Variants in GRM1 observed in about 807,000 individuals in gnomAD.
GRM1 encodes metabotropic glutamate receptor 1.
GRM1 carries 33 observed loss-of-function variants against 90.9 expected under a neutral mutation model. That is an observed-to-expected ratio of 0.36 (90% CI 0.28 to 0.49). GRM1 has a LOEUF of 0.49. GRM1 is among the 20% of genes least tolerant of loss of function. The pLI is 0.99. For synonymous variants in GRM1, 700 were observed against 613.2 expected, an observed-to-expected ratio of 1.14 and a Z score of -2.09; for missense variants, 1,190 against 1,534.3, an observed-to-expected ratio of 0.78 and a Z score of 3.75.
At chr6:146,094,677 A>G (rs529812028) in intron 1 of GRM1, among the ~76,000 whole-genome samples, 20 of 152,242 alleles carry the variant, frequency 1.3e-4, no homozygotes, top group African/African-American at 4.6e-4. Context: ...TCTAAATGGC[A>G]AAGACTCAGA....
chr6:146,403,630 T>G (rs1047252621), intron 7 of GRM1, among the ~76,000 whole-genome samples: 3 of 152,204 alleles, frequency 2.0e-5, no homozygotes, highest in Admixed American at 2.0e-4. Flanking sequence ...TGTCCACCAG[T>G]AGAAGCAAAT....
At chr6:146,390,126 A>T (rs146463559) in intron 6 of GRM1, among the ~76,000 whole-genome samples, 15 of 152,096 alleles carry the variant, frequency 9.9e-5, no homozygotes, top group African/African-American at 3.6e-4. Flanking sequence ...TCTTTGAAAA[A>T]TAGTGTATTC....
rs115614906 is a variant in GRM1 at position 146,290,283 on chromosome 6, G to A, written c.951-14328G>A. 3.9e-3 allele frequency among the ~76,000 whole-genome samples: 587 copies of A among 152,214 alleles called. 5 individuals are homozygous for A. The highest frequency in any genetic ancestry group is 0.013 in the African/African-American group (557 of 41,546). On this transcript the variant is annotated intron_variant, in intron 2 of 7. Coordinates refer to ENST00000282753, the MANE Select transcript of GRM1 (RefSeq NM_001278064.2). ...GATTATCTAGGAAAGATCCATGGAC[G>A]CAACTCTTGTTTAATGGGAAACATT...
chr6:146,359,510 T>C (rs943135503), intron 5 of GRM1, among the ~76,000 whole-genome samples: 2 of 152,198 alleles, frequency 1.3e-5, no homozygotes, highest in African/African-American at 2.4e-5. Context: ...AAAGTTCAGT[T>C]TTGCAGGTTA....
At chr6:146,323,144 G>A (rs544526105) in intron 3 of GRM1, among the ~76,000 whole-genome samples, 20 of 152,184 alleles carry the variant, frequency 1.3e-4, no homozygotes, top group East Asian at 3.9e-4. Flanking sequence ...GTCAAATGGC[G>A]TTTCCAGTTC....
chr6:146,048,310 A>G (rs914248380), intron 1 of GRM1, among the ~76,000 whole-genome samples: 7 of 151,988 alleles, frequency 4.6e-5, no homozygotes, highest in Admixed American at 4.6e-4. Context: ...GACCTATGTA[A>G]AACCTCACTG....
intron 1 of GRM1, among the ~76,000 whole-genome samples, chr6:146,155,708 C>T (rs1476644604): frequency 6.6e-6 from 1 of 152,078 alleles, no homozygotes; most frequent in Non-Finnish European, 1.5e-5. Flanking sequence ...GGTATTCCCC[C>T]AACAGAAAAA....
intron 3 of GRM1, among the ~76,000 whole-genome samples, chr6:146,315,250 A>G (rs1783926837): frequency 6.6e-6 from 1 of 152,080 alleles, no homozygotes; most frequent in Non-Finnish European, 1.5e-5. Context: ...CTAAATAGAT[A>G]CTAACATGCA....
chr6:146,255,422 TC>T (rs1339136530), intron 2 of GRM1, among the ~76,000 whole-genome samples: 1 of 152,144 alleles, frequency 6.6e-6, no homozygotes, highest in African/African-American at 2.4e-5. Context: ...TGATCCCCTA[TC>T]CCATTTCCTA....
At chr6:146,054,437 G>A (rs1287406657) in intron 1 of GRM1, among the ~76,000 whole-genome samples, 1 of 151,982 alleles carries the variant, frequency 6.6e-6, no homozygotes, top group Non-Finnish European at 1.5e-5. Flanking sequence ...TTCTATGGAG[G>A]TAGCAAGCTG....
intron 2 of GRM1, among the ~76,000 whole-genome samples, chr6:146,161,025 G>A (rs1234230377): frequency 6.6e-6 from 1 of 152,150 alleles, no homozygotes. Flanking sequence ...TCTTTTAGGA[G>A]TGAAAAGAAG....
intron 1 of GRM1, among the ~76,000 whole-genome samples, chr6:146,084,202 A>AT (rs1192587338): frequency 6.6e-6 from 1 of 150,582 alleles, no homozygotes; most frequent in Non-Finnish European, 1.5e-5. Flanking sequence ...GGATTCATTG[A>AT]TTTTTTTGGA....
At chr6:146,113,048 A>G (rs2128874467) in intron 1 of GRM1, among the ~76,000 whole-genome samples, 2 of 152,316 alleles carry the variant, frequency 1.3e-5, no homozygotes, top group Non-Finnish European at 2.9e-5. Context: ...TTCGACAAAA[A>G]CATCAAATAA....
At chr6:146,352,223 G>C in intron 3 of GRM1, 27 bp from the exon 4 acceptor site, 1 of 1,610,080 alleles carries the variant, frequency 6.2e-7, no homozygotes, top group Non-Finnish European at 8.5e-7. Context: ...TTGTGACCTT[G>C]GTAGTGATCT....
chr6:146,136,126 G>T (rs1273896079), intron 1 of GRM1, among the ~76,000 whole-genome samples: 1 of 152,100 alleles, frequency 6.6e-6, no homozygotes. Flanking sequence ...TCTTGTTATG[G>T]CTGAACAGTA....
chr6:146,257,447 A>G (rs780669581), intron 2 of GRM1, among the ~76,000 whole-genome samples: 56 of 152,208 alleles, frequency 3.7e-4, no homozygotes, highest in Non-Finnish European at 7.1e-4. Flanking sequence ...CCAGCAAAAC[A>G]AAACTAGTAG....
rs376300836 is a variant in GRM1 at position 146,363,599 on chromosome 6, A to G, written c.1602+5905A>G. On this transcript the variant is annotated intron_variant, in intron 5 of 7. Transcript: ENST00000282753. ...TGTGTCTATGTATGTGTATGTATGTATACATATGTGTGGGTATATTATTAA... is the reference window on the plus strand; with the variant it reads ...TGTGTCTATGTATGTGTATGTATGTGTACATATGTGTGGGTATATTATTAA... Among the ~76,000 whole-genome samples the G allele has an allele frequency of 6.6e-5, 10 of 152,308 alleles. No homozygotes were observed. In the East Asian group the frequency reaches 7.7e-4, roughly 12 times the overall value.
intron 2 of GRM1, among the ~76,000 whole-genome samples, chr6:146,296,983 A>G (rs1783199416): frequency 6.6e-6 from 1 of 152,178 alleles, no homozygotes; most frequent in Non-Finnish European, 1.5e-5. Flanking sequence ...CCAGGGCCTT[A>G]CAGGCTATTG....
At chr6:146,354,219 A>C (rs562295744) in intron 4 of GRM1, among the ~76,000 whole-genome samples, 22 of 152,338 alleles carry the variant, frequency 1.4e-4, no homozygotes, top group Admixed American at 1.2e-3. Flanking sequence ...TGATTCAGGA[A>C]CTGGGCATGT....
Sources: allele counts gnomAD v4.1 joint callset (sites outside exome capture counted in the v4.1 genomes callset), GRCh38; gene constraint gnomAD v4.1.1; transcripts MANE v1.5; gene names NCBI Gene and HGNC (gene_info 2026-07-23, HGNC 2026-07-21).